The following SVEP1 variants were observed in gnomAD, a reference collection of about 807,000 sequenced individuals.
SVEP1 encodes sushi, von Willebrand factor type A, EGF and pentraxin domain containing 1.
Under a neutral mutation model 367.3 loss-of-function variants are expected in SVEP1, and 164 were observed. The ratio of observed to expected loss-of-function variants is 0.45; its 90% confidence interval spans 0.39 to 0.51. The LOEUF (loss-of-function observed/expected upper bound fraction) is 0.51, where lower values mean the gene tolerates loss of function less well. Among genes scored for constraint, SVEP1 ranks in the 20% least tolerant of loss-of-function variants. The pLI, the probability that SVEP1 is intolerant of heterozygous loss-of-function variation, is 0.00. For synonymous variants in SVEP1, 1,666 were observed against 1,611.6 expected, an observed-to-expected ratio of 1.03 and a Z score of -0.81; for missense variants, 4,117 against 4,425.3, an observed-to-expected ratio of 0.93 and a Z score of 1.98.
chr9:110,386,782 T>TACTACA (rs1351609391), intron 42 of SVEP1, among the ~76,000 whole-genome samples: 2 of 152,380 alleles, frequency 1.3e-5, no homozygotes, highest in South Asian at 2.1e-4. Context: ...CTTCCGCTGT[T>TACTACA]ACTACATTAT....
chr9:110,511,064 T>C (rs111711131), intron 5 of SVEP1, among the ~76,000 whole-genome samples: 1,813 of 152,314 alleles, frequency 0.012, 39 homozygotes, highest in African/African-American at 0.041. Flanking sequence ...GCTAATCTGA[T>C]TCTTTCTCCT....
At chr9:110,388,599 C>A (rs1034507983) in intron 41 of SVEP1, among the ~76,000 whole-genome samples, 7 of 152,046 alleles carry the variant, frequency 4.6e-5, no homozygotes, top group African/African-American at 1.4e-4. Context: ...CTTCTTTCAG[C>A]CCAAAGTTGA....
chr9:110,380,350 A>G (rs913451754), intron 43 of SVEP1, among the ~76,000 whole-genome samples: 2 of 152,184 alleles, frequency 1.3e-5, no homozygotes, highest in African/African-American at 4.8e-5. Flanking sequence ...GGCGTCTAAA[A>G]GATCACTTTG....
At chr9:110,423,168 T>TAAAAAAAAAAAAAAAAAAAAA in intron 36 of SVEP1, among the ~76,000 whole-genome samples, 9 of 103,636 alleles carry the variant, frequency 8.7e-5, no homozygotes, top group Non-Finnish European at 1.4e-4. Context: ...AAAAATAAAG[T>TAAAAAAAAAAAAAAAAAAAAA]AAAAAAAAAA....
chr9:110,517,469 T>C (rs1415338868), intron 3 of SVEP1, among the ~76,000 whole-genome samples: 1 of 150,704 alleles, frequency 6.6e-6, no homozygotes, highest in Non-Finnish European at 1.5e-5. Flanking sequence ...ATGGTGGCAG[T>C]TGTCTGTAAT....
chr9:110,409,149 A>G (rs1201591898), intron 37 of SVEP1, among the ~76,000 whole-genome samples, 198 bp from the exon 38 acceptor site: 3 of 152,342 alleles, frequency 2.0e-5, no homozygotes, highest in African/African-American at 7.2e-5. Context: ...TAGAAAGTCA[A>G]CTTAGGCTCG....
At chr9:110,472,771 C>T (rs1218784977) in intron 14 of SVEP1, among the ~76,000 whole-genome samples, 2 of 152,114 alleles carry the variant, frequency 1.3e-5, no homozygotes, top group African/African-American at 4.8e-5. Flanking sequence ...GAAGATTACT[C>T]AAGATGCTTT....
chr9:110,471,977 T>C (rs1412952247), intron 15 of SVEP1, among the ~76,000 whole-genome samples, 182 bp downstream of exon 15: 1 of 152,164 alleles, frequency 6.6e-6, no homozygotes, highest in Non-Finnish European at 1.5e-5. Context: ...CCGTGAGACC[T>C]ACAAAAGACA....
chr9:110,483,648 A>G lies in SVEP1; in HGVS notation c.1976T>C (p.Val659Ala). Reference protein sequence around the residue: ...VIDWCRSPPPVQVSEKVHAAS... With the variant: ...VIDWCRSPPPAQVSEKVHAAS... ...GGCATGTACCTTCTCCGAGACCTGGACGGGAGGTGGAGATCTGCACCAGTC... is the reference window on the plus strand; with the variant it reads ...GGCATGTACCTTCTCCGAGACCTGGGCGGGAGGTGGAGATCTGCACCAGTC... The change falls in exon 10 of 48, where the codon GTC becomes GCC. Residue 659 changes from valine to alanine, a missense_variant. Physicochemically the swap from Val to Ala is moderately conservative, Grantham distance 64 (BLOSUM62 0). Around this residue, in one of 4 missense-constraint regions of SVEP1, gnomAD observed 2,174 missense variants for 2,494.3 expected, o/e 0.87. Transcript: ENST00000374469. 1 of 1,611,656 alleles carries G rather than the reference A, an allele frequency of 6.2e-7. No homozygotes were observed. Among genetic ancestry groups the G allele is most frequent in the Non-Finnish European group, 8.5e-7 (1 of 1,178,806 alleles).
At position 110,503,023 on chromosome 9, in the gene SVEP1, C is replaced by T. The variant is rs774971327; in HGVS notation, c.1483+15G>A. ...AAATGAATCACTCAAGGCATTACAC[C>T]TTCTAGAAACTTACCCACACACCGG... On this transcript the variant is annotated intron_variant, in intron 6 of 47. Coordinates refer to ENST00000374469, the MANE Select transcript of SVEP1 (RefSeq NM_153366.4). 1.2e-6 allele frequency: 2 copies of T among 1,604,976 alleles called. No individual in the cohort carries two copies. The highest frequency in any genetic ancestry group is 4.5e-5 in the East Asian group (2 of 44,858).
intron 44 of SVEP1, among the ~76,000 whole-genome samples, chr9:110,378,441 G>A (rs1284506870): frequency 6.6e-6 from 1 of 152,128 alleles, no homozygotes; most frequent in Non-Finnish European, 1.5e-5. Flanking sequence ...AGTTATTAAA[G>A]TCCAAATCTG....
chr9:110,489,397 G>A (rs1412701537), intron 9 of SVEP1, among the ~76,000 whole-genome samples: 1 of 152,104 alleles, frequency 6.6e-6, no homozygotes, highest in Non-Finnish European at 1.5e-5. Context: ...TCACAATCAC[G>A]GCAGAAAGCA....
At position 110,386,044 on chromosome 9, in the gene SVEP1, G is replaced by T; in HGVS notation, c.10091C>A (p.Pro3364His). 6.2e-7 allele frequency: 1 copy of T among 1,613,052 alleles called. No homozygotes were observed. The highest frequency in any genetic ancestry group is 8.5e-7 in the Non-Finnish European group (1 of 1,179,478). Reference protein sequence around the residue: ...PNPCPVPFVIPENALLSEKEF... With the variant: ...PNPCPVPFVIHENALLSEKEF... ...CTTTTCAGACAGCAGAGCATTCTCG[G>T]GAATCACAAAAGGAACAGGGCATGG... Residue 3364 changes from proline to histidine, a missense_variant, in exon 43 of 48, where the codon CCC becomes CAC. Transcript: ENST00000374469.
intron 3 of SVEP1, among the ~76,000 whole-genome samples, chr9:110,540,356 A>G (rs1170662703): frequency 6.6e-6 from 1 of 152,064 alleles, no homozygotes; most frequent in African/African-American, 2.4e-5. Context: ...CTCTAAATCT[A>G]ATTATGTGGT....
intron 40 of SVEP1, among the ~76,000 whole-genome samples, chr9:110,392,133 T>TTTTATATA (rs1554710906): frequency 0.037 from 3,690 of 99,600 alleles, 163 homozygotes; most frequent in African/African-American, 0.044. Context: ...CAATTCCTCA[T>TTTTATATA]TATATATATA....
At position 110,411,640 on chromosome 9, in the gene SVEP1, G is replaced by T; in HGVS notation, c.6071C>A (p.Pro2024Gln). The change falls in exon 37 of 48, where the codon CCA (proline) becomes CAA (glutamine). Residue 2024 changes from proline (P) to glutamine (Q), a missense_variant. Physicochemically the swap from Pro to Gln is moderately conservative, Grantham distance 76. This residue lies in a region of SVEP1 where 2,174 missense variants were observed against 2,494.3 expected (regional missense o/e 0.87). Coordinates refer to ENST00000374469, the MANE Select transcript of SVEP1 (RefSeq NM_153366.4). ...QQCLAVSCDE[P>Q]PIVDHASPET... The stretch of plus-strand genomic sequence containing the variant: ...TGGAGAGGCGTGGTCCACAATGGGT[G>T]GCTCATCACAGGAGACAGCCAGGCA... The T allele has an allele frequency of 6.2e-7, 1 of 1,611,892 alleles. No homozygotes were observed. Among genetic ancestry groups the T allele is most frequent in the South Asian group, 1.1e-5 (1 of 90,520 alleles).
At chr9:110,462,068 G>A (rs1828866127) in intron 18 of SVEP1, among the ~76,000 whole-genome samples, 1 of 152,076 alleles carries the variant, frequency 6.6e-6, no homozygotes, top group Non-Finnish European at 1.5e-5. Flanking sequence ...TTGTTTGAGA[G>A]AATATCTCTG....
At position 110,416,897 on chromosome 9, in the gene SVEP1, A is replaced by G. The variant is rs186659742; in HGVS notation, c.5976-5162T>C. On this transcript the variant is annotated intron_variant, in intron 36 of 47. Coordinates refer to ENST00000374469, the MANE Select transcript of SVEP1 (RefSeq NM_153366.4). ...TTGTAGGATATTTAGCATTTTTCCT[A>G]GATTCTAACTATTAGATGCTAGTAG... is the stretch of plus-strand genomic sequence containing the variant. Among the ~76,000 whole-genome samples the G allele has an allele frequency of 5.3e-5, 8 of 152,152 alleles. No individual in the cohort carries two copies. The East Asian group carries it at 1.5e-3, about 29-fold the overall frequency.
rs1313760830 is a variant in SVEP1 at position 110,459,023 on chromosome 9, G to A, written c.3413C>T (p.Ala1138Val). ...RDYYQPNAGK[A>V]FCLACPFYGT... ...ATAAAAGGGACAGGCCAGGCAGAAG[G>A]CCTTCCCTGCATTAGGTTGGTAATA... The change falls in exon 19 of 48, where the codon GCC becomes GTC. Residue 1138 changes from alanine to valine, a missense_variant. Ala to Val is a moderately conservative substitution (Grantham distance 64). Transcript: ENST00000374469. 1.2e-6 allele frequency: 2 copies of A among 1,613,862 alleles called. No individual in the cohort carries two copies. Among genetic ancestry groups the A allele is most frequent in the South Asian group, 1.1e-5 (1 of 91,080 alleles).
Sources: allele counts gnomAD v4.1 joint callset (sites outside exome capture counted in the v4.1 genomes callset), GRCh38; gene constraint gnomAD v4.1.1; regional missense constraint gnomAD v4.1.1; transcripts MANE v1.5; gene names NCBI Gene and HGNC (gene_info 2026-07-23, HGNC 2026-07-21).